The following STAU1 variants were observed in gnomAD, a reference collection of about 807,000 sequenced individuals.
STAU1 encodes double-stranded RNA-binding protein Staufen homolog 1.
In STAU1, 13 loss-of-function variants were observed where a neutral mutation model predicts 62.9. The observed-to-expected ratio is 0.21, with a 90% CI of 0.13 to 0.33. STAU1 has a LOEUF of 0.33. Among genes scored for constraint, STAU1 ranks in the 10% least tolerant of loss-of-function variants. STAU1 has a pLI of 1.00. For synonymous variants in STAU1, 269 were observed against 265.1 expected, an observed-to-expected ratio of 1.01 and a Z score of -0.14; for missense variants, 571 against 712.1, an observed-to-expected ratio of 0.80 and a Z score of 2.25.
the STAU1 span, among the ~76,000 whole-genome samples, chr20:49,202,577 AT>A: frequency 6.6e-6 from 1 of 151,760 alleles, no homozygotes; most frequent in African/African-American, 2.4e-5. Context: ...AAACTAAAAA[AT>A]AAATAAATAA....
intron 3 of STAU1, among the ~76,000 whole-genome samples, chr20:49,161,044 C>T (rs1000400793): frequency 4.8e-4 from 73 of 151,848 alleles, no homozygotes; most frequent in African/African-American, 1.7e-3. Context: ...TATGGCCAGG[C>T]GGGGTGGCTA....
At chr20:49,180,809 T>C (rs1355473733) in intron 1 of STAU1, among the ~76,000 whole-genome samples, 2 of 152,220 alleles carry the variant, frequency 1.3e-5, no homozygotes, top group Non-Finnish European at 2.9e-5. Context: ...TAAAAGACTA[T>C]TACTTAACCA....
chr20:49,203,837 C>T, the STAU1 span, among the ~76,000 whole-genome samples: 1 of 152,182 alleles, frequency 6.6e-6, no homozygotes, highest in East Asian at 1.9e-4. Context: ...CAGGCGTGCG[C>T]CACCACGCCT....
chr20:49,174,830 G>A, intron 1 of STAU1, among the ~76,000 whole-genome samples: 1 of 152,056 alleles, frequency 6.6e-6, no homozygotes, highest in East Asian at 1.9e-4. Context: ...CCAGCTACTT[G>A]GGAGGCTGAG....
the STAU1 span, among the ~76,000 whole-genome samples, chr20:49,203,349 G>A: frequency 6.6e-5 from 10 of 152,062 alleles, no homozygotes; most frequent in African/African-American, 1.4e-4. Flanking sequence ...CGCTTGACCC[G>A]GGGAGGCAGA....
rs758695331 is a variant in STAU1, at chr20:49,118,136, C to T, written c.1190-40G>A. On this transcript the variant is annotated intron_variant, in intron 10 of 13. Coordinates refer to ENST00000371856, the MANE Select transcript of STAU1 (RefSeq NM_017453.4). ...CACGGTAAACACGAATCCACATCCA[C>T]AGCCTGGAAAAACGCAATGACACCA... The T allele has an allele frequency of 5.7e-6, 9 of 1,590,712 alleles. No homozygotes were observed. In the Admixed American group the frequency reaches 8.4e-5, roughly 15 times the overall value.
chr20:49,142,154 T>C (rs899395744), intron 5 of STAU1, among the ~76,000 whole-genome samples: 2 of 152,178 alleles, frequency 1.3e-5, no homozygotes, highest in African/African-American at 4.8e-5. Context: ...TGGTGCAATC[T>C]TGGCTCACTG....
intron 5 of STAU1, among the ~76,000 whole-genome samples, chr20:49,150,714 G>A (rs1039135493): frequency 2.0e-5 from 3 of 151,892 alleles, no homozygotes; most frequent in African/African-American, 7.3e-5. Flanking sequence ...TTTGAATCTG[G>A]GCTCCATGAC....
chr20:49,199,978 G>A, the STAU1 span, among the ~76,000 whole-genome samples: 1 of 152,096 alleles, frequency 6.6e-6, no homozygotes, highest in East Asian at 1.9e-4. Flanking sequence ...CCAAAGTGTT[G>A]GGGTTACAGG....
intron 6 of STAU1, among the ~76,000 whole-genome samples, chr20:49,126,251 GTGA>G (rs2092609625): frequency 6.6e-6 from 1 of 151,644 alleles, no homozygotes; most frequent in African/African-American, 2.4e-5. Flanking sequence ...TATCAAGAAA[GTGA>G]TTACAATAAC....
chr20:49,124,943 G>C (rs1485989621), intron 6 of STAU1, among the ~76,000 whole-genome samples: 1 of 151,820 alleles, frequency 6.6e-6, no homozygotes, highest in African/African-American at 2.4e-5. Flanking sequence ...AAATGCTCAA[G>C]TTTAGTATCT....
upstream of STAU1, among the ~76,000 whole-genome samples, chr20:49,190,141 G>A (rs2093828849): frequency 6.6e-6 from 1 of 151,930 alleles, no homozygotes; most frequent in Admixed American, 6.6e-5. Flanking sequence ...TAAAGGAGCA[G>A]ATGCAGAGAG....
rs2092354060 is a variant in STAU1, at chr20:49,117,408, C to T, written c.1510-160G>A. Among the ~76,000 whole-genome samples, 1 of 152,152 alleles carries T rather than the reference C, an allele frequency of 6.6e-6. No homozygotes were observed. The highest frequency in any genetic ancestry group is 2.1e-4 in the South Asian group (1 of 4,826). ...ACCTGCCCTGTCAGCCCAGAACCTT[C>T]CAGGAACCTAGGTGTCTGCTCAGAA... On this transcript the variant is annotated intron_variant, in intron 11 of 13. Coordinates refer to ENST00000371856, the MANE Select transcript of STAU1 (RefSeq NM_017453.4). This position sits in a 1 kb window ranked among gnomAD's most constrained non-coding sequence, Gnocchi z 4.6.
At chr20:49,145,967 G>A (rs1010024176) in intron 5 of STAU1, among the ~76,000 whole-genome samples, 1 of 151,844 alleles carries the variant, frequency 6.6e-6, no homozygotes, top group African/African-American at 2.4e-5. Context: ...AACAAGAAGG[G>A]TTAAAGTCTC....
Position 49,154,192 on chromosome 20 carries a change from T to G in STAU1, c.206-121A>C, listed in dbSNP as rs1395479435. 10 of 1,043,896 alleles carry G rather than the reference T, an allele frequency of 9.6e-6. No homozygotes were observed. The Admixed American group carries it at 2.4e-4, about 25-fold the overall frequency. 64.7% of individuals were successfully genotyped at this position (1,043,896 alleles called of 1,614,324 possible). On this transcript the variant is annotated intron_variant, in intron 3 of 13. Coordinates refer to ENST00000371856, the MANE Select transcript of STAU1 (RefSeq NM_017453.4). ...TCATGATACTTTACATAAAAGGACC[T>G]GGGTGGCTCACTGCTAGGCATCAGA...
intron 3 of STAU1, among the ~76,000 whole-genome samples, chr20:49,161,287 A>G (rs1344012464): frequency 6.6e-6 from 1 of 152,096 alleles, no homozygotes; most frequent in Non-Finnish European, 1.5e-5. Flanking sequence ...TGATCACACC[A>G]CTCACTCCAG....
chr20:49,165,857 G>C, intron 3 of STAU1, 140 bp downstream of exon 3: 1 of 791,486 alleles, frequency 1.3e-6, no homozygotes, highest in East Asian at 2.5e-5. Flanking sequence ...CTATATCTGG[G>C]ATAAAGAAGT....
intron 4 of STAU1, among the ~76,000 whole-genome samples, chr20:49,152,342 T>TTC (rs1467529685): frequency 7.0e-6 from 1 of 143,180 alleles, no homozygotes; most frequent in Non-Finnish European, 1.5e-5. Context: ...ACTAATGTCT[T>TTC]TTTTTTTTTT....
chr20:49,188,346 C>G (rs1185395355), upstream of STAU1: 1 of 152,110 alleles, frequency 6.6e-6, no homozygotes, highest in Non-Finnish European at 1.5e-5. Flanking sequence ...GCCGCTCAGG[C>G]GCCCGCAGCC....
Sources: allele counts gnomAD v4.1 joint callset (sites outside exome capture counted in the v4.1 genomes callset), GRCh38; gene constraint gnomAD v4.1.1; non-coding constraint Gnocchi (gnomAD v3.1); transcripts MANE v1.5; gene names NCBI Gene and HGNC (gene_info 2026-07-23, HGNC 2026-07-21).